The following DOCK3 variants were observed in gnomAD, a reference collection of about 807,000 sequenced individuals.
The protein encoded by DOCK3 is dedicator of cytokinesis 3, also known as dedicator of cytokinesis protein 3.
In DOCK3, 60 loss-of-function variants were observed where a neutral mutation model predicts 265.6. The ratio of observed to expected loss-of-function variants is 0.23; its 90% CI spans 0.18 to 0.28. The LOEUF (loss-of-function observed/expected upper bound fraction) is 0.28. Among genes scored for constraint, DOCK3 ranks in the 10% least tolerant of loss-of-function variants. The pLI is 1.00. For missense variants in DOCK3, 1,981 were observed against 2,594.3 expected (o/e 0.76, Z 5.14); for synonymous variants, 881 against 938.0 (o/e 0.94, Z 1.11).
At chr3:51,039,078 C>G (rs1195741491) in intron 5 of DOCK3, among the ~76,000 whole-genome samples, 1 of 152,006 alleles carries the variant, frequency 6.6e-6, no homozygotes, top group Non-Finnish European at 1.5e-5. Flanking sequence ...TCACTGCAAC[C>G]TCTGCCTCCT....
intron 32 of DOCK3, among the ~76,000 whole-genome samples, chr3:51,318,712 T>A (rs1213329576): frequency 6.6e-6 from 1 of 152,110 alleles, no homozygotes; most frequent in Non-Finnish European, 1.5e-5. Flanking sequence ...ATCTAGTAGC[T>A]CAAGCTCCTT....
chr3:50,986,827 A>G (rs2077920359), intron 5 of DOCK3, among the ~76,000 whole-genome samples: 1 of 152,234 alleles, frequency 6.6e-6, no homozygotes, highest in South Asian at 2.1e-4. Flanking sequence ...TTTACAAGAA[A>G]AGATGTTAAA....
chr3:50,979,276 T>G (rs535760950), intron 5 of DOCK3, among the ~76,000 whole-genome samples: 1 of 152,276 alleles, frequency 6.6e-6, no homozygotes, highest in African/African-American at 2.4e-5. Flanking sequence ...ATTTCTAGGT[T>G]TTTAATTGTT....
At chr3:51,069,952 G>A (rs1252237960) in intron 6 of DOCK3, among the ~76,000 whole-genome samples, 3 of 152,132 alleles carry the variant, frequency 2.0e-5, no homozygotes, top group African/African-American at 7.2e-5. Flanking sequence ...CACAGTTAAC[G>A]GTTCTTCCCG....
In DOCK3 at chr3:51,033,745, T is replaced by G. The variant is rs913325594; in HGVS notation, c.316-30703T>G. Among the ~76,000 whole-genome samples the G allele has an allele frequency of 2.6e-5, 4 of 152,190 alleles. No homozygotes were observed. The South Asian group carries it at 6.2e-4, about 24-fold the overall frequency. ...TTTTCAATTAGGACATGAACAAGAT[T>G]AATTTTTTCCTCACAAATTGATGTG... On this transcript the variant is annotated intron_variant, in intron 5 of 52. Transcript: ENST00000266037.
At chr3:51,069,406 G>A (rs1274602534) in intron 6 of DOCK3, among the ~76,000 whole-genome samples, 1 of 151,926 alleles carries the variant, frequency 6.6e-6, no homozygotes. Flanking sequence ...CATCACTACA[G>A]TAGCTAGCTA....
intron 1 of DOCK3, among the ~76,000 whole-genome samples, chr3:50,740,533 G>A (rs1355806952): frequency 3.3e-5 from 5 of 151,984 alleles, no homozygotes; most frequent in Non-Finnish European, 7.4e-5. Context: ...CTAACATTTG[G>A]TATGGCCAGT....
At chr3:50,792,916 G>C (rs989263109) in intron 2 of DOCK3, among the ~76,000 whole-genome samples, 1 of 152,144 alleles carries the variant, frequency 6.6e-6, no homozygotes, top group Non-Finnish European at 1.5e-5. Flanking sequence ...GATGATGCTG[G>C]CCTCATAGAA....
chr3:50,926,915 G>A (rs781353684), intron 4 of DOCK3, among the ~76,000 whole-genome samples: 3 of 152,140 alleles, frequency 2.0e-5, no homozygotes, highest in Non-Finnish European at 4.4e-5. Flanking sequence ...CAACATAACT[G>A]CCAGAGTTGT....
rs1320115228 is a variant in DOCK3 at position 51,177,025 on chromosome 3, T to C, written c.1037+16323T>C. Among the ~76,000 whole-genome samples, 3 of 152,216 alleles carry C rather than the reference T, an allele frequency of 2.0e-5. No individual in the cohort carries two copies. The East Asian group carries it at 5.8e-4, about 29-fold the overall frequency. ...CAGTATACATTTGTTTAGTACTCTGTCTACTTTCAGGGCCCTTCTGGATAT... is the reference window on the plus strand; with the variant it reads ...CAGTATACATTTGTTTAGTACTCTGCCTACTTTCAGGGCCCTTCTGGATAT... On this transcript the variant is annotated intron_variant, in intron 12 of 52. Coordinates refer to ENST00000266037, the MANE Select transcript of DOCK3 (RefSeq NM_004947.5).
chr3:51,292,887 G>C (rs530892450), intron 27 of DOCK3, among the ~76,000 whole-genome samples: 1 of 152,102 alleles, frequency 6.6e-6, no homozygotes, highest in East Asian at 1.9e-4. Context: ...TACCATGTTG[G>C]CCAGGTTTCA....
chr3:51,286,410 A>G, intron 27 of DOCK3, among the ~76,000 whole-genome samples: 1 of 152,256 alleles, frequency 6.6e-6, no homozygotes, highest in East Asian at 1.9e-4. Context: ...AGCAATTTAC[A>G]GATTCATTGC....
At chr3:51,111,030 C>A (rs1028750175) in intron 9 of DOCK3, among the ~76,000 whole-genome samples, 4 of 152,134 alleles carry the variant, frequency 2.6e-5, no homozygotes, top group African/African-American at 9.7e-5. Context: ...TTCCTATACC[C>A]AACAACAGCT....
At chr3:51,218,993 G>T (rs2089944646) in intron 14 of DOCK3, among the ~76,000 whole-genome samples, 1 of 152,164 alleles carries the variant, frequency 6.6e-6, no homozygotes, top group Non-Finnish European at 1.5e-5. Context: ...GCTTATGGAT[G>T]TTTTTCTCCT....
At chr3:51,232,942 C>A (rs1182845928) in intron 19 of DOCK3, among the ~76,000 whole-genome samples, 2 of 152,068 alleles carry the variant, frequency 1.3e-5, no homozygotes, top group East Asian at 3.8e-4. Context: ...GTAGGTAGGC[C>A]ATTTTATTTT....
intron 1 of DOCK3, among the ~76,000 whole-genome samples, chr3:50,741,190 A>G (rs2039000503): frequency 6.6e-6 from 1 of 151,822 alleles, no homozygotes; most frequent in Admixed American, 6.6e-5. Flanking sequence ...ACTAATATAC[A>G]CTTACATTGT....
chr3:50,975,625 A>C (rs1459767447), intron 5 of DOCK3, among the ~76,000 whole-genome samples: 2 of 152,192 alleles, frequency 1.3e-5, no homozygotes, highest in African/African-American at 4.8e-5. Flanking sequence ...TGTCTCTGCC[A>C]GGCTTTAGTA....
At chr3:51,109,823 C>T (rs1379400413) in intron 9 of DOCK3, among the ~76,000 whole-genome samples, 1 of 151,932 alleles carries the variant, frequency 6.6e-6, no homozygotes, top group Non-Finnish European at 1.5e-5. Context: ...GTCCCAGCTA[C>T]TCGTGAGGCC....
At chr3:50,925,637 A>G (rs2050715653) in intron 4 of DOCK3, among the ~76,000 whole-genome samples, 1 of 152,110 alleles carries the variant, frequency 6.6e-6, no homozygotes, top group African/African-American at 2.4e-5. Context: ...TTTGTGTCCG[A>G]AGAAGAAACA....
Sources: gnomAD v4.1 joint callset for allele counts (sites outside exome capture counted in the v4.1 genomes callset) on GRCh38, gnomAD v4.1.1 for gene constraint, MANE v1.5 for transcripts, NCBI Gene and HGNC (gene_info 2026-07-23, HGNC 2026-07-21) for gene names.